The following TDRD9 variants were observed in gnomAD, a reference collection of about 807,000 sequenced individuals.
TDRD9 encodes the protein ATP-dependent RNA helicase TDRD9.
Under a neutral mutation model 172.6 loss-of-function variants are expected in TDRD9, and 124 were observed. The ratio of observed to expected loss-of-function variants is 0.72; its 90% CI spans 0.62 to 0.83. TDRD9 has a LOEUF of 0.83. TDRD9 is among the 40% of genes least tolerant of loss of function. TDRD9 has a pLI of 0.00. For missense variants in TDRD9, 1,479 were observed against 1,714.1 expected (o/e 0.86, Z 2.42); for synonymous variants, 619 against 617.1 (o/e 1.00, Z -0.05).
chr14:104,047,467 T>G (rs1335438023), intron 34 of TDRD9, among the ~76,000 whole-genome samples: 1 of 152,214 alleles, frequency 6.6e-6, no homozygotes, highest in Non-Finnish European at 1.5e-5. Flanking sequence ...TTGTCTGATA[T>G]TAATATAGCT....
At chr14:104,005,996 C>G (rs961963788) in intron 15 of TDRD9, among the ~76,000 whole-genome samples, 3 of 152,050 alleles carry the variant, frequency 2.0e-5, no homozygotes, top group Non-Finnish European at 4.4e-5. Context: ...ATGATACCTC[C>G]TTGGGTTTCT....
chr14:103,940,941 T>C (rs904838714), intron 1 of TDRD9: 8 of 1,535,466 alleles, frequency 5.2e-6, no homozygotes, highest in Non-Finnish European at 7.0e-6. Context: ...AGCTGTCACC[T>C]TGGATCACAG....
chr14:103,965,285 T>A (rs893195781), intron 3 of TDRD9, 48 bp from the exon 4 acceptor site: 10 of 1,495,154 alleles, frequency 6.7e-6, no homozygotes, highest in Non-Finnish European at 9.1e-7. Flanking sequence ...GGTGATACTT[T>A]ACATTGCCAT....
intron 1 of TDRD9, among the ~76,000 whole-genome samples, chr14:103,943,074 A>G (rs2031336621): frequency 6.6e-6 from 1 of 151,912 alleles, no homozygotes; most frequent in South Asian, 2.1e-4. Flanking sequence ...AAAAACTTAT[A>G]TTTACTATTT....
rs577175917 is a variant in TDRD9, at chr14:104,019,740, A to C, written c.2432+1548A>C. On this transcript the variant is annotated intron_variant, in intron 23 of 35. Transcript: ENST00000409874. ...AGATGGGCACAGGTGGTACCTGGGC[A>C]TATCATGTTCTCCCATAAGAAGCTT... is the stretch of plus-strand genomic sequence containing the variant. Among the ~76,000 whole-genome samples, 60 of 152,364 alleles carry C rather than the reference A, an allele frequency of 3.9e-4. 5 individuals carry two copies. In the East Asian group the frequency reaches 6.2e-3, roughly 16 times the overall value.
chr14:103,957,113 A>G (rs1037381154), intron 2 of TDRD9, among the ~76,000 whole-genome samples: 3 of 152,190 alleles, frequency 2.0e-5, no homozygotes, highest in African/African-American at 7.2e-5. Flanking sequence ...GACTATACCA[A>G]TTAGTACCTT....
At position 103,980,859 on chromosome 14, in the gene TDRD9, G is replaced by T. The variant is rs548454100; in HGVS notation, c.1011+5306G>T. On this transcript the variant is annotated intron_variant, in intron 7 of 35. Coordinates refer to ENST00000409874, the MANE Select transcript of TDRD9 (RefSeq NM_153046.3). This position sits in a 1 kb window ranked among gnomAD's most constrained non-coding sequence, Gnocchi z 4.5. ...CCTGTCCGGGCATAACAGAAGGCTC[G>T]CACTCTTGTCTTCTGGTCACTTCTC... is the stretch of plus-strand genomic sequence containing the variant. Among the ~76,000 whole-genome samples, 3 of 152,060 alleles carry T rather than the reference G, an allele frequency of 2.0e-5. No individual in the cohort carries two copies. Among genetic ancestry groups the T allele is most frequent in the Admixed American group, 6.5e-5 (1 of 15,272 alleles).
At chr14:104,028,843 A>T (rs1164269108) in intron 28 of TDRD9, among the ~76,000 whole-genome samples, 1 of 152,080 alleles carries the variant, frequency 6.6e-6, no homozygotes, top group Non-Finnish European at 1.5e-5. Context: ...ACCCATTTTG[A>T]GTTGATTTTT....
At chr14:103,952,038 G>T (rs1406373305) in intron 1 of TDRD9, among the ~76,000 whole-genome samples, 1 of 150,448 alleles carries the variant, frequency 6.6e-6, no homozygotes, top group Non-Finnish European at 1.5e-5. Flanking sequence ...AAAGTGCTGG[G>T]ATTACCGGCG....
At chr14:104,018,645 A>T (rs2034863877) in intron 23 of TDRD9, among the ~76,000 whole-genome samples, 1 of 152,226 alleles carries the variant, frequency 6.6e-6, no homozygotes, top group Non-Finnish European at 1.5e-5. Flanking sequence ...GTAAAAACTC[A>T]ATTTGGCTCT....
intron 6 of TDRD9, among the ~76,000 whole-genome samples, chr14:103,971,972 C>T (rs1428625961): frequency 1.1e-4 from 17 of 152,062 alleles, no homozygotes; most frequent in Admixed American, 1.1e-3. Flanking sequence ...GCCTGGGCAA[C>T]ATGGTGAAAC....
At chr14:104,042,005 C>T in intron 33 of TDRD9, 64 bp from the exon 34 acceptor site, 1 of 1,076,432 alleles carries the variant, frequency 9.3e-7, no homozygotes, top group East Asian at 2.4e-5. Flanking sequence ...TATGAATTCT[C>T]TAACGGGATG....
chr14:103,929,973 C>T (rs1267564429), intron 1 of TDRD9, among the ~76,000 whole-genome samples: 1 of 152,188 alleles, frequency 6.6e-6, no homozygotes, highest in East Asian at 1.9e-4. Flanking sequence ...TTACTCTGTT[C>T]ACTTGATTTG....
intron 2 of TDRD9, among the ~76,000 whole-genome samples, chr14:103,962,206 A>G (rs1341037430): frequency 1.3e-5 from 2 of 152,182 alleles, no homozygotes; most frequent in Admixed American, 1.3e-4. Context: ...TGATACCTGT[A>G]TTTCATAAAT....
At position 103,928,722 on chromosome 14, in the gene TDRD9, A is replaced by C; in HGVS notation, c.213A>C (p.Glu71Asp). 6 of 1,124,362 alleles carry C rather than the reference A, an allele frequency of 5.3e-6. No individual in the cohort carries two copies. Among genetic ancestry groups the C allele is most frequent in the Non-Finnish European group, 6.7e-6 (6 of 900,756 alleles). The allele number at this position is 1,124,362 out of a possible 1,614,324, so 69.6% of individuals were successfully genotyped here. ...QAPARPAAAF[E>D]RSLSQRSSEV... Reference sequence around the variant, plus strand: ...CGGCCCGGCCGGCCGCTGCGTTCGAAAGGTAGGACGCGGGCGGGGCGGAGG... The same window carrying C: ...CGGCCCGGCCGGCCGCTGCGTTCGACAGGTAGGACGCGGGCGGGGCGGAGG... The change falls in exon 1 of 36, where the codon GAA becomes GAC. Residue 71 changes from glutamate to aspartate, a missense_variant and splice_region_variant. Glu to Asp is a conservative substitution (Grantham distance 45). Coordinates refer to ENST00000409874, the MANE Select transcript of TDRD9 (RefSeq NM_153046.3).
chr14:103,975,122 C>G (rs2033183480), intron 6 of TDRD9, among the ~76,000 whole-genome samples: 1 of 152,016 alleles, frequency 6.6e-6, no homozygotes. Context: ...GCAAAGTTTT[C>G]TTTCAGAAAA....
intron 3 of TDRD9, among the ~76,000 whole-genome samples, chr14:103,964,371 T>TA (rs2032642459): frequency 2.6e-5 from 4 of 152,256 alleles, no homozygotes; most frequent in African/African-American, 9.6e-5. Flanking sequence ...GCAGATTCAT[T>TA]ACAAAATGTT....
At chr14:103,973,553 AGAGGGCTGCCGGG>A (rs896990657) in intron 6 of TDRD9, among the ~76,000 whole-genome samples, 4 of 152,238 alleles carry the variant, frequency 2.6e-5, no homozygotes, top group African/African-American at 9.6e-5. Context: ...GAGAAGAGGC[AGAGGGCTGCCGGG>A]GAGGGTGGAT....
rs184482571 is a variant in TDRD9 at position 103,971,535 on chromosome 14, C to G, written c.846+914C>G. Among the ~76,000 whole-genome samples the G allele has an allele frequency of 1.4e-4, 22 of 152,062 alleles. No homozygotes were observed. In the East Asian group the frequency reaches 3.7e-3, roughly 25 times the overall value. On this transcript the variant is annotated intron_variant, in intron 6 of 35. Coordinates refer to ENST00000409874, the MANE Select transcript of TDRD9 (RefSeq NM_153046.3). ...ACCAGGCTGGTCTTGAACTCCTGAC[C>G]TCAACTGATTTGCTTGCTTTGGTCT...
Sources: gnomAD v4.1 joint callset for allele counts (sites outside exome capture counted in the v4.1 genomes callset) on GRCh38, gnomAD v4.1.1 for gene constraint, Gnocchi (gnomAD v3.1) non-coding constraint, MANE v1.5 for transcripts, NCBI Gene and HGNC (gene_info 2026-07-23, HGNC 2026-07-21) for gene names.